The following TEX36 variants were observed in gnomAD, a reference collection of about 807,000 sequenced individuals.
TEX36 encodes testis-expressed protein 36.
TEX36 carries 12 observed loss-of-function variants against 13.6 expected under a neutral mutation model. That is an observed-to-expected ratio of 0.88 (90% CI 0.56 to 1.43). The LOEUF is 1.43. Among genes scored for constraint, TEX36 ranks in the 40% most tolerant of loss-of-function variants. The pLI is 0.00. For missense variants in TEX36, 224 were observed against 228.3 expected (o/e 0.98, Z 0.12); for synonymous variants, 93 against 83.0 (o/e 1.12, Z -0.65).
intron 3 of TEX36, among the ~76,000 whole-genome samples, chr10:125,660,379 C>A (rs1188798893): frequency 6.6e-6 from 1 of 152,200 alleles, no homozygotes; most frequent in East Asian, 1.9e-4. Context: ...CCCACCTCAG[C>A]CTCCCAAACT....
chr10:125,632,375 T>C (rs1465150199), intron 3 of TEX36, among the ~76,000 whole-genome samples: 3 of 152,178 alleles, frequency 2.0e-5, no homozygotes, highest in African/African-American at 7.2e-5. Flanking sequence ...CCCACTAAGA[T>C]GCACAGTCCT....
chr10:125,674,642 C>T (rs992950155), intron 1 of TEX36, among the ~76,000 whole-genome samples: 2 of 152,170 alleles, frequency 1.3e-5, no homozygotes, highest in African/African-American at 4.8e-5. Flanking sequence ...GTTTTTGTTG[C>T]ATTCTGTTTG....
chr10:125,576,682 CAACT>C, exon 4 of TEX36: 1 of 1,517,764 alleles, frequency 6.6e-7, no homozygotes. Context: ...CTTTTCTTCC[CAACT>C]AATACACATT....
At chr10:125,582,215 A>G (rs549900211) in intron 3 of TEX36, among the ~76,000 whole-genome samples, 23 of 152,320 alleles carry the variant, frequency 1.5e-4, no homozygotes, top group African/African-American at 4.6e-4. Context: ...CCTGTATCCT[A>G]ACTGATGCAT....
At chr10:125,643,425 T>C (rs1002366547) in intron 3 of TEX36, among the ~76,000 whole-genome samples, 1 of 152,028 alleles carries the variant, frequency 6.6e-6, no homozygotes, top group African/African-American at 2.4e-5. Flanking sequence ...CTGGCGAACA[T>C]GGCGAAACCC....
At chr10:125,579,235 G>C (rs577895405) in intron 3 of TEX36, among the ~76,000 whole-genome samples, 2 of 152,324 alleles carry the variant, frequency 1.3e-5, no homozygotes, top group East Asian at 3.9e-4. Flanking sequence ...TTGATTCACT[G>C]TTCCTTATGG....
chr10:125,584,012 T>C (rs1201779503), intron 3 of TEX36, among the ~76,000 whole-genome samples: 1 of 152,158 alleles, frequency 6.6e-6, no homozygotes, highest in Admixed American at 6.5e-5. Flanking sequence ...CTGTGGGAGC[T>C]TAGAGCAGGC....
intron 3 of TEX36, among the ~76,000 whole-genome samples, chr10:125,622,857 C>G (rs1846445099): frequency 1.3e-5 from 2 of 152,182 alleles, no homozygotes; most frequent in African/African-American, 4.8e-5. Context: ...AGGAGGAGCC[C>G]AGAGTGGCCA....
At chr10:125,591,460 C>T (rs1846020224) in intron 3 of TEX36, among the ~76,000 whole-genome samples, 1 of 152,186 alleles carries the variant, frequency 6.6e-6, no homozygotes. Flanking sequence ...TCTTGAAGAT[C>T]TTCCCGCAGT....
At chr10:125,594,437 C>T (rs980255444) in intron 3 of TEX36, among the ~76,000 whole-genome samples, 1 of 152,192 alleles carries the variant, frequency 6.6e-6, no homozygotes, top group Non-Finnish European at 1.5e-5. Context: ...CTTGAGCTCT[C>T]ATATACTCAG....
chr10:125,602,213 A>G (rs1487505729), intron 3 of TEX36, among the ~76,000 whole-genome samples: 1 of 152,192 alleles, frequency 6.6e-6, no homozygotes, highest in African/African-American at 2.4e-5. Flanking sequence ...TGCCTGGTTT[A>G]TGCGGGGTAT....
chr10:125,578,705 C>A (rs1845853563), intron 3 of TEX36, among the ~76,000 whole-genome samples: 1 of 152,168 alleles, frequency 6.6e-6, no homozygotes, highest in Non-Finnish European at 1.5e-5. Context: ...CTCTGCTACA[C>A]CCATGGCCAG....
intron 3 of TEX36, among the ~76,000 whole-genome samples, chr10:125,591,244 A>G (rs1020079774): frequency 1.3e-5 from 2 of 152,254 alleles, no homozygotes; most frequent in Non-Finnish European, 2.9e-5. Context: ...GAAGCATTCA[A>G]TGAGCGTTTG....
At chr10:125,625,085 C>A (rs1186657177) in intron 3 of TEX36, among the ~76,000 whole-genome samples, 1 of 152,210 alleles carries the variant, frequency 6.6e-6, no homozygotes, top group African/African-American at 2.4e-5. Context: ...AAAGTCCGTG[C>A]TGACTCTTGC....
intron 3 of TEX36, chr10:125,578,066 A>G (rs1407001818): frequency 2.0e-5 from 3 of 152,238 alleles, no homozygotes; most frequent in Admixed American, 6.5e-5. Context: ...AACTGAGTCC[A>G]CTGGACAGCC....
chr10:125,628,558 C>T (rs143506604), intron 3 of TEX36, among the ~76,000 whole-genome samples: 1 of 152,228 alleles, frequency 6.6e-6, no homozygotes, highest in East Asian at 1.9e-4. Flanking sequence ...TTTTTCTCTC[C>T]CGATGATGAT....
intron 1 of TEX36, chr10:125,667,195 A>T: frequency 1.5e-6 from 1 of 650,068 alleles, no homozygotes. Context: ...TGTGACAGTC[A>T]CCATGGCAAT....
intron 3 of TEX36, among the ~76,000 whole-genome samples, chr10:125,626,713 C>G (rs573607476): frequency 1.3e-5 from 2 of 152,222 alleles, no homozygotes; most frequent in African/African-American, 2.4e-5. Context: ...GAGGTGGGAA[C>G]TCGGAACCAG....
intron 3 of TEX36, among the ~76,000 whole-genome samples, chr10:125,634,401 GTT>G (rs1383918199): frequency 6.6e-6 from 1 of 152,164 alleles, no homozygotes; most frequent in Non-Finnish European, 1.5e-5. Flanking sequence ...GCCCACTGGG[GTT>G]TTTAGTCTTG....
Sources: gnomAD v4.1 joint callset for allele counts (sites outside exome capture counted in the v4.1 genomes callset) on GRCh38, gnomAD v4.1.1 for gene constraint, MANE v1.5 for transcripts, NCBI Gene and HGNC (gene_info 2026-07-23, HGNC 2026-07-21) for gene names.